Variants in CTSA observed in about 807,000 individuals in gnomAD.
CTSA encodes the protein cathepsin A.
A neutral mutation model predicts 66.7 loss-of-function variants in CTSA; 42 were observed. That is an observed-to-expected ratio of 0.63 (90% CI 0.49 to 0.81). The LOEUF (loss-of-function observed/expected upper bound fraction) is 0.81. CTSA is among the 40% of genes least tolerant of loss of function. The probability of loss-of-function intolerance (pLI) is 0.00; values close to 1 mark genes in which losing one functional copy is unlikely to be tolerated. For missense variants in CTSA, 525 were observed against 610.9 expected (o/e 0.86, Z 1.48); for synonymous variants, 225 against 248.6 (o/e 0.91, Z 0.89).
At position 45,898,119 on chromosome 20, in the gene CTSA, G is replaced by C; in HGVS notation, c.1359+10G>C. 7 of 1,612,608 alleles carry C rather than the reference G, an allele frequency of 4.3e-6. No individual in the cohort carries two copies. The highest frequency in any genetic ancestry group is 5.9e-6 in the Non-Finnish European group (7 of 1,178,660). On this transcript the variant is annotated intron_variant, in intron 14 of 14. Coordinates refer to ENST00000646241, the MANE Select transcript of CTSA (RefSeq NM_000308.4). The surrounding 1 kb of genome is among the most constrained non-coding windows in gnomAD (Gnocchi z 4.6). ...CTTTCTCACGATCAAGGTAGGGACT[G>C]GGCCTGCTGAGAGATAACTGGGCCG...
rs1987079835 is a variant in CTSA, at chr20:45,893,445, T to C, written c.692+134T>C. ...CAGGTGGGTTGCAGAAAGAACCTAG[T>C]GCTGAAAGGCCAAAGAATAGAGATC... On this transcript the variant is annotated intron_variant, in intron 7 of 14. Transcript: ENST00000646241. 6 of 724,896 alleles carry C rather than the reference T, an allele frequency of 8.3e-6. No individual in the cohort carries two copies. The Admixed American group carries it at 1.3e-4, about 15-fold the overall frequency. 44.9% of individuals were successfully genotyped at this position (724,896 alleles called of 1,614,324 possible). A position where few individuals can be genotyped will look rare whatever the true frequency, so the allele number is the denominator to read the frequency against.
intron 12 of CTSA, chr20:45,897,339 A>G: frequency 1.9e-6 from 1 of 515,800 alleles, no homozygotes; most frequent in South Asian, 2.0e-5. Context: ...GACCTTGCAC[A>G]AGGTGATATA....
rs987312318 is a variant in CTSA, at chr20:45,891,501, A to G, written c.1-68A>G. 1.3e-5 allele frequency: 20 copies of G among 1,551,496 alleles called. No homozygotes were observed. In the East Asian group the frequency reaches 4.4e-4, roughly 34 times the overall value. ...TTCCCTCGCGGAGGCGCCGCCAGCA[A>G]CTCCCCGGGGGCTGCTGCACGGAAG... is the stretch of plus-strand genomic sequence containing the variant. On this transcript the variant is annotated intron_variant, in intron 1 of 14. Transcript: ENST00000646241. This position sits in a 1 kb window ranked among gnomAD's most constrained non-coding sequence, Gnocchi z 4.6.
At chr20:45,896,635 C>T in intron 11 of CTSA, 2 of 343,358 alleles carry the variant, frequency 5.8e-6, no homozygotes, top group Non-Finnish European at 1.1e-5. Flanking sequence ...GACGGGGTTT[C>T]ACCATGTTGG....
intron 11 of CTSA, 22 bp from the exon 12 acceptor site, chr20:45,896,943 C>A: frequency 6.2e-7 from 1 of 1,607,748 alleles, no homozygotes; most frequent in African/African-American, 1.3e-5. Flanking sequence ...CTTCCTGGGG[C>A]CTGCTCGTAT....
chr20:45,892,676 C>T, intron 5 of CTSA, 49 bp from the exon 6 acceptor site: 1 of 1,612,824 alleles, frequency 6.2e-7, no homozygotes, highest in South Asian at 1.1e-5. Flanking sequence ...CTTTCCAGTT[C>T]AAATACCAAA....
At chr20:45,892,983 C>T (rs1352529243) in intron 6 of CTSA, 103 bp downstream of exon 6, 12 of 1,369,348 alleles carry the variant, frequency 8.8e-6, no homozygotes, top group Non-Finnish European at 1.2e-5. Context: ...ACCCAGCTTC[C>T]TGCATAACCT....
Position 45,891,350 on chromosome 20 carries a change from C to G in CTSA, c.-30C>G. The stretch of plus-strand genomic sequence containing the variant: ...CATGACTTCCAGTCCCCGGGCGCCT[C>G]CTGGAGAGCAAGGACGCGGGGGAGC... On this transcript the variant is annotated 5_prime_UTR_variant, in exon 1 of 15. Coordinates refer to ENST00000646241, the MANE Select transcript of CTSA (RefSeq NM_000308.4). The surrounding 1 kb of genome is among the most constrained non-coding windows in gnomAD (Gnocchi z 4.6). 6.4e-7 allele frequency: 1 copy of G among 1,573,188 alleles called. No homozygotes were observed. The highest frequency in any genetic ancestry group is 8.6e-7 in the Non-Finnish European group (1 of 1,159,530).
chr20:45,897,605 C>G (rs1052366121), intron 12 of CTSA, 112 bp from the exon 13 acceptor site: 1 of 746,016 alleles, frequency 1.3e-6, no homozygotes, highest in Admixed American at 1.9e-5. Flanking sequence ...TTCCCTGGTT[C>G]GTGTTATCTA....
intron 9 of CTSA, 41 bp downstream of exon 9, chr20:45,894,782 A>C: frequency 6.2e-7 from 1 of 1,602,166 alleles, no homozygotes; most frequent in Non-Finnish European, 8.5e-7. Flanking sequence ...CCCCAGCCCC[A>C]TCTGGAGGCT....
chr20:45,893,317 G>A lies in CTSA; in HGVS notation c.692+6G>A, dbSNP rs199997385. 9 of 1,608,224 alleles carry A rather than the reference G, an allele frequency of 5.6e-6. No individual in the cohort carries two copies. In the Admixed American group the frequency reaches 1.0e-4, roughly 18 times the overall value. ...CATGGCCTTCTGGGGAACAGGTATG[G>A]GATAGGGCAGTTGGGCAATCTCTGG... On this transcript the variant is annotated splice_donor_region_variant and intron_variant, in intron 7 of 14. Transcript: ENST00000646241.
At chr20:45,893,597 C>T (rs1243900742) in intron 7 of CTSA, among the ~76,000 whole-genome samples, 1 of 151,960 alleles carries the variant, frequency 6.6e-6, no homozygotes, top group African/African-American at 2.4e-5. Context: ...ATTCTCATGC[C>T]TCAGACTCCC....
intron 12 of CTSA, chr20:45,897,312 G>C (rs955587390): frequency 3.7e-6 from 2 of 542,886 alleles, no homozygotes; most frequent in Non-Finnish European, 3.3e-6. Context: ...GGCCAGCAGA[G>C]GTCCAGGGTG....
intron 11 of CTSA, 47 bp from the exon 12 acceptor site, chr20:45,896,918 T>C (rs573235408): frequency 6.7e-7 from 1 of 1,498,778 alleles, no homozygotes; most frequent in South Asian, 1.1e-5. Context: ...TGACTACTTT[T>C]CGCCCCGACC....
Position 45,892,772 on chromosome 20 carries a change from T to G in CTSA, c.492T>G (p.Phe164Leu). Reference sequence around the variant, plus strand: ...CCCTTCAAGATTTCTTCCGCCTCTTTCCGGAGTACAAGAACAACAAACTTT... The same window carrying G: ...CCCTTCAAGATTTCTTCCGCCTCTTGCCGGAGTACAAGAACAACAAACTTT... Reference protein sequence around the residue: ...FEALQDFFRLFPEYKNNKLFL... With the variant: ...FEALQDFFRLLPEYKNNKLFL... The change falls in exon 6 of 15, where the codon TTT (phenylalanine) becomes TTG (leucine). Residue 164 changes from phenylalanine to leucine, a missense_variant. Around this residue, in one of 3 missense-constraint regions of CTSA, gnomAD observed 246 missense variants for 267.4 expected, o/e 0.92. Transcript: ENST00000646241. 3 of 1,614,234 alleles carry G rather than the reference T, an allele frequency of 1.9e-6. No individual in the cohort carries two copies. Among genetic ancestry groups the G allele is most frequent in the Non-Finnish European group, 2.5e-6 (3 of 1,180,042 alleles).
Position 45,891,337 on chromosome 20 carries a change from T to A in CTSA, c.-43T>A, listed in dbSNP as rs779305626. The A allele has an allele frequency of 8.9e-6, 14 of 1,567,414 alleles. No homozygotes were observed. Among genetic ancestry groups the A allele is most frequent in the African/African-American group, 1.4e-5 (1 of 73,894 alleles). On this transcript the variant is annotated 5_prime_UTR_variant, in exon 1 of 15. Coordinates refer to ENST00000646241, the MANE Select transcript of CTSA (RefSeq NM_000308.4). The surrounding 1 kb of genome is among the most constrained non-coding windows in gnomAD (Gnocchi z 4.6). ...CGTGACTCGTACACATGACTTCCAG[T>A]CCCCGGGCGCCTCCTGGAGAGCAAG...
chr20:45,895,169 G>A lies in CTSA; in HGVS notation c.1088+36G>A, dbSNP rs765373321. 4 of 1,613,746 alleles carry A rather than the reference G, an allele frequency of 2.5e-6. No individual in the cohort carries two copies. In the Admixed American group the frequency reaches 6.7e-5, roughly 27 times the overall value. Reference sequence around the variant, plus strand: ...GTGGCCACCTGTGACTTGGGGTGGTGGGTTGCTGGGGCTTGTGGGCATCGG... The same window carrying A: ...GTGGCCACCTGTGACTTGGGGTGGTAGGTTGCTGGGGCTTGTGGGCATCGG... On this transcript the variant is annotated intron_variant, in intron 11 of 14. Transcript: ENST00000646241.
At chr20:45,893,089 C>T (rs1195935779) in intron 6 of CTSA, 131 bp from the exon 7 acceptor site, 1 of 945,410 alleles carries the variant, frequency 1.1e-6, no homozygotes, top group African/African-American at 1.6e-5. Flanking sequence ...TGAGTGGCCT[C>T]TCATACCCAC....
chr20:45,896,703 C>T (rs2083110551), intron 11 of CTSA: 1 of 479,674 alleles, frequency 2.1e-6, no homozygotes, highest in South Asian at 2.0e-5. Flanking sequence ...TCCCAAAGTG[C>T]TAGGATTACA....
Sources: gnomAD v4.1 joint callset for allele counts (sites outside exome capture counted in the v4.1 genomes callset) on GRCh38, gnomAD v4.1.1 for gene constraint, gnomAD v4.1.1 regional missense constraint, Gnocchi (gnomAD v3.1) non-coding constraint, MANE v1.5 for transcripts, NCBI Gene and HGNC (gene_info 2026-07-23, HGNC 2026-07-21) for gene names.